FAM25G: variants seen among roughly 807,000 people sequenced by gnomAD.
FAM25G encodes protein FAM25G.
A neutral mutation model predicts 6.4 loss-of-function variants in FAM25G; 3 were observed. The observed-to-expected ratio is 0.47, with a 90% confidence interval of 0.21 to 1.21. The LOEUF (loss-of-function observed/expected upper bound fraction) is 1.21. FAM25G is among the 50% of genes most tolerant of loss of function. FAM25G has a pLI of 0.22. For missense variants in FAM25G, 34 were observed against 76.0 expected (o/e 0.45, Z 2.06); for synonymous variants, 15 against 31.3 (o/e 0.48, Z 1.74).
intron 2 of FAM25G, 52 bp from the exon 3 acceptor site, chr10:47,487,460 C>T: frequency 1.5e-6 from 1 of 660,388 alleles, no homozygotes; most frequent in South Asian, 2.0e-5. Context: ...AACTTGTGTC[C>T]CCTTGAGTGG....
intron 1 of FAM25G, 38 bp downstream of exon 1, chr10:47,491,564 C>T: frequency 2.0e-6 from 3 of 1,481,618 alleles, no homozygotes; most frequent in South Asian, 1.2e-5. Context: ...TGCCCCAGAT[C>T]CCCCCAGCCC....
intron 2 of FAM25G, among the ~76,000 whole-genome samples, chr10:47,488,361 C>T (rs1292950303): frequency 7.3e-6 from 1 of 136,522 alleles, no homozygotes; most frequent in African/African-American, 2.8e-5. Context: ...CAGGCATGTG[C>T]CACCATGCCC....
In FAM25G at chr10:47,487,881, T is replaced by A. The variant is rs1475011126; in HGVS notation, c.137-473A>T. 2.0e-4 allele frequency among the ~76,000 whole-genome samples: 30 copies of A among 150,964 alleles called. No homozygotes were observed. The Middle Eastern group carries it at 0.017, about 86-fold the overall frequency. ...TCATAGTTCTAAAGATTCTCCCCTC[T>A]CCAAGATTAGGCCAAAGTCTCTGAT... On this transcript the variant is annotated intron_variant, in intron 2 of 2. Transcript: ENST00000452267.
At chr10:47,489,414 A>C (rs1477053158) in intron 2 of FAM25G, among the ~76,000 whole-genome samples, 172 bp downstream of exon 2, 4 of 150,826 alleles carry the variant, frequency 2.7e-5, no homozygotes, top group Non-Finnish European at 4.4e-5. Flanking sequence ...GTCCTAACGC[A>C]GTACAGTCTG....
At chr10:47,488,501 G>T (rs1396189520) in intron 2 of FAM25G, among the ~76,000 whole-genome samples, 1 of 151,032 alleles carries the variant, frequency 6.6e-6, no homozygotes. Context: ...GTGAGCCACT[G>T]CACCTGGCCT....
rs2132456365 is a variant in FAM25G at position 47,491,619 on chromosome 10, T to A, written c.56A>T (p.Lys19Met). 1 of 1,533,136 alleles carries A rather than the reference T, an allele frequency of 6.5e-7. No individual in the cohort carries two copies. The highest frequency in any genetic ancestry group is 2.0e-5 in the Admixed American group (1 of 50,128). 95.0% of individuals were successfully genotyped at this position (1,533,136 alleles called of 1,614,324 possible). A position where few individuals can be genotyped will look rare whatever the true frequency, so the allele number is the denominator to read the frequency against. ...AAEGLAHRTEKATEGAIHAVE... is the reference protein window; with the variant it reads ...AAEGLAHRTEMATEGAIHAVE... ...GTCCTCACTGGCTCCCTCGGTGGCCTTCTCGGTGCGGTGGGCCAGGCCCTC... is the reference window on the plus strand; with the variant it reads ...GTCCTCACTGGCTCCCTCGGTGGCCATCTCGGTGCGGTGGGCCAGGCCCTC... Residue 19 changes from lysine to methionine, a missense_variant, in exon 1 of 3, where the codon AAG (lysine) becomes ATG (methionine). By Grantham distance (95) the Lys-to-Met change is moderately conservative. Transcript: ENST00000452267.
chr10:47,490,586 G>C (rs1840133391), intron 1 of FAM25G, among the ~76,000 whole-genome samples: 1 of 151,614 alleles, frequency 6.6e-6, no homozygotes, highest in Non-Finnish European at 1.5e-5. Context: ...GAGAATGGCA[G>C]TGCTAGAAGC....
chr10:47,488,735 T>G, intron 2 of FAM25G, among the ~76,000 whole-genome samples: 1 of 129,848 alleles, frequency 7.7e-6, no homozygotes, highest in Non-Finnish European at 1.6e-5. Context: ...TTTTTTTTTT[T>G]TTTTTTTTTT....
intron 2 of FAM25G, among the ~76,000 whole-genome samples, chr10:47,487,944 C>A (rs1306911598): frequency 6.6e-6 from 1 of 150,948 alleles, no homozygotes; most frequent in African/African-American, 2.4e-5. Context: ...TGTCTTCCCC[C>A]TCAAAACTCA....
chr10:47,490,030 G>A (rs1260349075), intron 1 of FAM25G, among the ~76,000 whole-genome samples: 4 of 150,070 alleles, frequency 2.7e-5, no homozygotes, highest in Non-Finnish European at 4.4e-5. Flanking sequence ...GAATGGCAAT[G>A]AGCAGGCAGT....
intron 1 of FAM25G, chr10:47,490,456 G>C (rs1405663098): frequency 6.6e-6 from 1 of 152,188 alleles, no homozygotes; most frequent in East Asian, 2.0e-4. Flanking sequence ...GGCTGCGAAG[G>C]CCCCGAGTTC....
rs1456078080 is a variant in FAM25G at position 47,489,209 on chromosome 10, G to A, written c.136+377C>T. Among the ~76,000 whole-genome samples, 618 of 136,706 alleles carry A rather than the reference G, an allele frequency of 4.5e-3. 16 individuals carry two copies. The highest frequency in any genetic ancestry group is 0.016 in the African/African-American group (588 of 37,060). The allele number at this position is 136,706 out of a possible 152,430, so 89.7% of individuals were successfully genotyped here. On this transcript the variant is annotated intron_variant, in intron 2 of 2. Coordinates refer to ENST00000452267, the MANE Select transcript of FAM25G (RefSeq NM_001137549.2). ...ATTTTTATGTATTTTTAGTAGAGAC[G>A]GGGTTTCACCGTGTTAGCCAGGATG...
intron 2 of FAM25G, among the ~76,000 whole-genome samples, chr10:47,487,815 C>G (rs1252281165): frequency 2.1e-5 from 3 of 144,718 alleles, no homozygotes; most frequent in Non-Finnish European, 3.0e-5. Context: ...TTTGGATTGT[C>G]AAATTTACTT....
rs1840064757 is a variant in FAM25G at position 47,487,257 on chromosome 10, C to T, written c.*18G>A. ...GCTTTTTATTGAGACTGGGGAAGGG[C>T]CGTGGTAGCAGGTGCACTCACTGTC... On this transcript the variant is annotated 3_prime_UTR_variant, in exon 3 of 3. Coordinates refer to ENST00000452267, the MANE Select transcript of FAM25G (RefSeq NM_001137549.2). 1.6e-6 allele frequency: 2 copies of T among 1,266,912 alleles called. No individual in the cohort carries two copies. The highest frequency in any genetic ancestry group is 4.7e-5 in the Admixed American group (2 of 42,466). 78.5% of individuals were successfully genotyped at this position (1,266,912 alleles called of 1,614,324 possible). A position where few individuals can be genotyped will look rare whatever the true frequency, so the allele number is the denominator to read the frequency against.
At chr10:47,488,713 ATTTTT>A (rs1160121365) in intron 2 of FAM25G, among the ~76,000 whole-genome samples, 2 of 62,118 alleles carry the variant, frequency 3.2e-5, no homozygotes, top group African/African-American at 1.4e-4. Context: ...TACATGTTAA[ATTTTT>A]TTTTTTTTTT....
intron 1 of FAM25G, among the ~76,000 whole-genome samples, chr10:47,490,558 A>G (rs1242642527): frequency 6.6e-6 from 1 of 151,898 alleles, no homozygotes; most frequent in East Asian, 1.9e-4. Context: ...AGTGAATGAG[A>G]AACATATGGC....
At chr10:47,489,342 G>C (rs1487571066) in intron 2 of FAM25G, among the ~76,000 whole-genome samples, 1 of 149,328 alleles carries the variant, frequency 6.7e-6, no homozygotes, top group African/African-American at 2.4e-5. Context: ...GTCCCAGTGT[G>C]CTGTCACATA....
intron 1 of FAM25G, 119 bp from the exon 2 acceptor site, chr10:47,489,767 A>G: frequency 1.9e-6 from 1 of 523,436 alleles, no homozygotes; most frequent in Non-Finnish European, 3.3e-6. Flanking sequence ...GGCTCAGAGC[A>G]GGCCCACTGC....
In FAM25G at chr10:47,489,239, C is replaced by T. The variant is rs1321595149; in HGVS notation, c.136+347G>A. Among the ~76,000 whole-genome samples the T allele has an allele frequency of 7.1e-5, 9 of 126,698 alleles. No individual in the cohort carries two copies. In the East Asian group the frequency reaches 1.7e-3, roughly 24 times the overall value. 83.1% of individuals were successfully genotyped at this position (126,698 alleles called of 152,430 possible). On this transcript the variant is annotated intron_variant, in intron 2 of 2. Coordinates refer to ENST00000452267, the MANE Select transcript of FAM25G (RefSeq NM_001137549.2). ...TTCACCGTGTTAGCCAGGATGGTCT[C>T]GATCTCCTGACCTCATGATCCGCCC...
Sources: allele counts gnomAD v4.1 joint callset (sites outside exome capture counted in the v4.1 genomes callset), GRCh38; gene constraint gnomAD v4.1.1; transcripts MANE v1.5; gene names NCBI Gene and HGNC (gene_info 2026-07-23, HGNC 2026-07-21).